Variants in MACROD2 observed in about 807,000 individuals in gnomAD.
The protein encoded by MACROD2 is ADP-ribose glycohydrolase MACROD2.
A neutral mutation model predicts 70.4 loss-of-function variants in MACROD2; 36 were observed. The observed-to-expected ratio is 0.51, with a 90% CI of 0.39 to 0.68. The LOEUF (loss-of-function observed/expected upper bound fraction) is 0.68. MACROD2 is among the 30% of genes least tolerant of loss of function. The pLI, the probability that MACROD2 is intolerant of heterozygous loss-of-function variation, is 0.00. For synonymous variants in MACROD2, 172 were observed against 178.8 expected (o/e 0.96, Z 0.30); for missense variants, 496 against 538.4 (o/e 0.92, Z 0.78).
At chr20:15,413,724 G>A (rs544240694) in intron 6 of MACROD2, among the ~76,000 whole-genome samples, 68 of 152,282 alleles carry the variant, frequency 4.5e-4, no homozygotes, top group African/African-American at 1.5e-3. Context: ...GTTCATAATG[G>A]TCTATGCCTT....
intron 5 of MACROD2, among the ~76,000 whole-genome samples, chr20:15,104,455 C>T (rs2075896378): frequency 6.6e-6 from 1 of 152,036 alleles, no homozygotes; most frequent in African/African-American, 2.4e-5. Flanking sequence ...CTGCTATAAA[C>T]CCATAAACAA....
At chr20:15,126,111 CT>C (rs5840654) in intron 5 of MACROD2, among the ~76,000 whole-genome samples, 46,072 of 98,368 alleles carry the variant, frequency 0.47, 8,791 homozygotes, top group East Asian at 0.68. Flanking sequence ...ATTGTTTCAA[CT>C]TTTTTTTTTT....
chr20:15,020,884 C>G (rs985653772), intron 5 of MACROD2, among the ~76,000 whole-genome samples: 1 of 151,284 alleles, frequency 6.6e-6, no homozygotes, highest in African/African-American at 2.4e-5. Context: ...ATGACTCTAT[C>G]TGACACTCTG....
intron 5 of MACROD2, among the ~76,000 whole-genome samples, chr20:15,098,921 A>G (rs1336287648): frequency 2.0e-5 from 3 of 152,222 alleles, no homozygotes; most frequent in Non-Finnish European, 4.4e-5. Context: ...ACTACTAGTT[A>G]CATTCAGAGT....
chr20:14,366,980 T>G (rs1335207900), intron 3 of MACROD2, among the ~76,000 whole-genome samples: 1 of 152,250 alleles, frequency 6.6e-6, no homozygotes, highest in East Asian at 1.9e-4. Context: ...GTTCCTCATT[T>G]GCTTCTCTAC....
chr20:14,564,172 T>C (rs557055325), intron 4 of MACROD2, among the ~76,000 whole-genome samples: 1 of 152,022 alleles, frequency 6.6e-6, no homozygotes, highest in African/African-American at 2.4e-5. Context: ...ACCCCTATCT[T>C]GTACTGTATA....
intron 8 of MACROD2, among the ~76,000 whole-genome samples, chr20:15,770,834 C>T (rs2051612141): frequency 6.6e-6 from 1 of 152,096 alleles, no homozygotes; most frequent in Admixed American, 6.6e-5. Flanking sequence ...ACACCCTCCT[C>T]CTGGCAAACA....
intron 4 of MACROD2, among the ~76,000 whole-genome samples, chr20:14,632,497 A>G (rs1446283154): frequency 2.6e-5 from 4 of 152,164 alleles, no homozygotes; most frequent in African/African-American, 7.2e-5. Context: ...TCTTAAGTAC[A>G]TAATGATAAG....
intron 5 of MACROD2, among the ~76,000 whole-genome samples, chr20:14,856,447 C>T (rs1415276423): frequency 1.3e-5 from 2 of 152,162 alleles, no homozygotes; most frequent in Non-Finnish European, 2.9e-5. Flanking sequence ...ACTATGCATA[C>T]ACAAACACGC....
At chr20:14,432,332 T>C (rs2084003718) in intron 3 of MACROD2, among the ~76,000 whole-genome samples, 1 of 152,108 alleles carries the variant, frequency 6.6e-6, no homozygotes, top group East Asian at 1.9e-4. Context: ...GATATATTAC[T>C]ACCTGGTCTG....
intron 5 of MACROD2, among the ~76,000 whole-genome samples, chr20:15,206,066 T>TTG (rs536118588): frequency 1.1e-3 from 165 of 151,526 alleles, no homozygotes; most frequent in East Asian, 7.9e-3. Flanking sequence ...CCCCTTTGCC[T>TTG]TGTGTGTGTG....
chr20:14,641,676 T>C (rs1441767084), intron 4 of MACROD2, among the ~76,000 whole-genome samples: 2 of 152,242 alleles, frequency 1.3e-5, no homozygotes, highest in Admixed American at 1.3e-4. Flanking sequence ...GGTGACTGAA[T>C]GCATTGTAAA....
intron 15 of MACROD2, among the ~76,000 whole-genome samples, chr20:15,998,566 T>C (rs960569991): frequency 5.0e-4 from 6 of 11,914 alleles, no homozygotes; most frequent in African/African-American, 8.7e-4. Context: ...AGTTCTCTCT[T>C]TTTTTTTTTT....
intron 6 of MACROD2, among the ~76,000 whole-genome samples, chr20:15,326,798 G>C (rs2077935114): frequency 6.6e-6 from 1 of 152,142 alleles, no homozygotes. Flanking sequence ...AGGAAGACCA[G>C]AAGACATCCA....
chr20:15,214,199 CTG>C (rs947225579), intron 5 of MACROD2, among the ~76,000 whole-genome samples: 35 of 152,296 alleles, frequency 2.3e-4, no homozygotes, highest in Admixed American at 7.8e-4. Context: ...TTATTTTTCT[CTG>C]GCTGTGTCCA....
At chr20:15,709,249 G>A (rs2050588592) in intron 8 of MACROD2, among the ~76,000 whole-genome samples, 1 of 152,218 alleles carries the variant, frequency 6.6e-6, no homozygotes, top group South Asian at 2.1e-4. Context: ...GTGAACGGGA[G>A]GAGCAGGCTG....
At chr20:14,243,065 G>C (rs1168430966) in intron 3 of MACROD2, among the ~76,000 whole-genome samples, 2 of 152,052 alleles carry the variant, frequency 1.3e-5, no homozygotes, top group African/African-American at 4.8e-5. Context: ...TGTATGTTTT[G>C]GCTCATCATG....
At chr20:14,214,034 T>A (rs899138671) in intron 3 of MACROD2, among the ~76,000 whole-genome samples, 1 of 152,162 alleles carries the variant, frequency 6.6e-6, no homozygotes, top group East Asian at 1.9e-4. Context: ...GTTTTGGCTT[T>A]AGGGGAAGTA....
At chr20:14,914,477 A>G (rs752637780) in intron 5 of MACROD2, among the ~76,000 whole-genome samples, 3 of 152,188 alleles carry the variant, frequency 2.0e-5, no homozygotes, top group Non-Finnish European at 4.4e-5. Flanking sequence ...CAAGATCTAT[A>G]TGAGAGCTTT....
Sources: allele counts gnomAD v4.1 joint callset (sites outside exome capture counted in the v4.1 genomes callset), GRCh38; gene constraint gnomAD v4.1.1; transcripts MANE v1.5; gene names NCBI Gene and HGNC (gene_info 2026-07-23, HGNC 2026-07-21).